Variants in PSEN1 observed in about 807,000 individuals in gnomAD.
PSEN1 encodes presenilin-1.
PSEN1 carries 15 observed loss-of-function variants against 53.5 expected under a neutral mutation model. The ratio of observed to expected loss-of-function variants is 0.28; its 90% CI spans 0.19 to 0.43. The LOEUF (loss-of-function observed/expected upper bound fraction) is 0.43, where lower values mean the gene tolerates loss of function less well. Among genes scored for constraint, PSEN1 ranks in the 20% least tolerant of loss-of-function variants. The probability of loss-of-function intolerance (pLI) is 1.00; values close to 1 mark genes in which losing one functional copy is unlikely to be tolerated. For synonymous variants in PSEN1, 208 were observed against 209.8 expected (o/e 0.99, Z 0.08); for missense variants, 387 against 571.2 (o/e 0.68, Z 3.29).
At chr14:73,183,158 C>T (rs55657666) in intron 5 of PSEN1, among the ~76,000 whole-genome samples, 1,806 of 152,270 alleles carry the variant, frequency 0.012, 34 homozygotes, top group African/African-American at 0.039. Flanking sequence ...CGCTCTGTTG[C>T]TCAGGCTGGA....
At chr14:73,201,378 G>A (rs927510957) in intron 8 of PSEN1, among the ~76,000 whole-genome samples, 21 of 152,036 alleles carry the variant, frequency 1.4e-4, no homozygotes, top group African/African-American at 4.4e-4. Flanking sequence ...GAGCCACCGC[G>A]CCTGGCCGAG....
chr14:73,204,128 C>T (rs1037462844), intron 8 of PSEN1, among the ~76,000 whole-genome samples: 9 of 151,946 alleles, frequency 5.9e-5, no homozygotes, highest in South Asian at 4.1e-4. Context: ...CCTCCCGAGT[C>T]GCCGGGATTA....
At chr14:73,219,060 CT>C in intron 11 of PSEN1, 73 bp from the exon 12 acceptor site, 2 of 1,498,510 alleles carry the variant, frequency 1.3e-6, no homozygotes, top group Non-Finnish European at 9.3e-7. Context: ...AAAACCAAGA[CT>C]TGTGATTGAG....
In PSEN1 at chr14:73,171,051, C is replaced by T. The variant is rs1270371240; in HGVS notation, c.338+4C>T. 4.3e-6 allele frequency: 7 copies of T among 1,614,050 alleles called. No individual in the cohort carries two copies. Among genetic ancestry groups the T allele is most frequent in the South Asian group, 3.3e-5 (3 of 91,070 alleles). On this transcript the variant is annotated splice_donor_region_variant and intron_variant, in intron 4 of 11. Transcript: ENST00000324501. ...ATACCCGGAAGGATGGGCAGCTGTACGTATGAGTTTTGTTTTATTATTCTC... is the reference window on the plus strand; with the variant it reads ...ATACCCGGAAGGATGGGCAGCTGTATGTATGAGTTTTGTTTTATTATTCTC...
intron 7 of PSEN1, among the ~76,000 whole-genome samples, chr14:73,197,251 G>C (rs1898995105): frequency 6.6e-6 from 1 of 152,134 alleles, no homozygotes; most frequent in African/African-American, 2.4e-5. Flanking sequence ...GAATTTTCAT[G>C]ACAGAGAATG....
At chr14:73,183,470 G>T (rs1243977292) in intron 5 of PSEN1, among the ~76,000 whole-genome samples, 2 of 152,060 alleles carry the variant, frequency 1.3e-5, no homozygotes, top group Admixed American at 6.6e-5. Flanking sequence ...GTGTCCCTGG[G>T]TACTTGAGAT....
intron 3 of PSEN1, among the ~76,000 whole-genome samples, chr14:73,161,077 C>A (rs534192266): frequency 6.6e-6 from 1 of 151,058 alleles, no homozygotes; most frequent in African/African-American, 2.4e-5. Context: ...CAGGCTCAAG[C>A]AGTCCTTCCA....
chr14:73,176,364 C>T (rs946823338), intron 5 of PSEN1, among the ~76,000 whole-genome samples: 2 of 152,204 alleles, frequency 1.3e-5, no homozygotes, highest in African/African-American at 4.8e-5. Context: ...GACCTTGTGA[C>T]TTTTACCAGG....
chr14:73,197,137 G>T (rs150050804), intron 7 of PSEN1, among the ~76,000 whole-genome samples: 4,020 of 152,114 alleles, frequency 0.026, 179 homozygotes, highest in African/African-American at 0.093. Flanking sequence ...GTTTCACCGT[G>T]TTAGCCAGGA....
rs181284178 is a variant in PSEN1, at chr14:73,187,459, G to A, written c.548+539G>A. ...AACAATTGCACTAGCTCTTAAATTC[G>A]AAGAGGCAGTCAAACTAATAAATAA... On this transcript the variant is annotated intron_variant, in intron 6 of 11. Coordinates refer to ENST00000324501, the MANE Select transcript of PSEN1 (RefSeq NM_000021.4). Among the ~76,000 whole-genome samples the A allele has an allele frequency of 9.9e-5, 15 of 152,278 alleles. No individual in the cohort carries two copies. The East Asian group carries it at 1.9e-3, about 20-fold the overall frequency.
intron 5 of PSEN1, 89 bp from the exon 6 acceptor site, chr14:73,186,764 G>T: frequency 9.2e-7 from 1 of 1,084,012 alleles, no homozygotes; most frequent in South Asian, 1.2e-5. Flanking sequence ...GCGACAAAGT[G>T]AGACCCTGTC....
At chr14:73,186,446 C>G (rs755507479) in intron 5 of PSEN1, among the ~76,000 whole-genome samples, 3 of 151,982 alleles carry the variant, frequency 2.0e-5, no homozygotes, top group Non-Finnish European at 4.4e-5. Flanking sequence ...ATTCTGTTGG[C>G]CTTTGCCAAA....
intron 3 of PSEN1, among the ~76,000 whole-genome samples, chr14:73,164,873 T>A (rs2093231288): frequency 3.9e-5 from 6 of 152,212 alleles, no homozygotes; most frequent in Admixed American, 3.9e-4. Context: ...CATATATATA[T>A]ATGTTCATTC....
At chr14:73,208,266 A>G (rs557715058) in intron 9 of PSEN1, among the ~76,000 whole-genome samples, 17 of 152,312 alleles carry the variant, frequency 1.1e-4, no homozygotes, top group South Asian at 4.1e-4. Flanking sequence ...CTGCCATTCA[A>G]TGGGTCCCAA....
intron 8 of PSEN1, among the ~76,000 whole-genome samples, chr14:73,202,460 ATATTTTTTTTTT>A (rs1899260272): frequency 8.2e-5 from 1 of 12,164 alleles, no homozygotes; most frequent in African/African-American, 5.3e-4. Context: ...ATATATATAT[ATATTTTTTTTTT>A]TTTTTTTTTT....
chr14:73,166,250 A>G (rs1897714780), intron 3 of PSEN1, among the ~76,000 whole-genome samples: 1 of 152,124 alleles, frequency 6.6e-6, no homozygotes. Flanking sequence ...ACTCTGAATG[A>G]GCATATGATT....
chr14:73,219,091 C>A, intron 11 of PSEN1, 43 bp from the exon 12 acceptor site: 1 of 1,603,084 alleles, frequency 6.2e-7, no homozygotes, highest in Non-Finnish European at 8.5e-7. Context: ...AAAATGCTTT[C>A]ATAATTATGT....
chr14:73,140,396 A>C (rs1896891278), intron 1 of PSEN1, among the ~76,000 whole-genome samples: 1 of 151,260 alleles, frequency 6.6e-6, no homozygotes, highest in South Asian at 2.1e-4. Context: ...TTTTTAGTAG[A>C]GGTGGGGTGT....
At chr14:73,213,030 C>T (rs1899765399) in intron 10 of PSEN1, among the ~76,000 whole-genome samples, 1 of 152,162 alleles carries the variant, frequency 6.6e-6, no homozygotes, top group Admixed American at 6.5e-5. Context: ...CTTTTTACAC[C>T]TTGTCCTCAG....
Sources: gnomAD v4.1 joint callset for allele counts (sites outside exome capture counted in the v4.1 genomes callset) on GRCh38, gnomAD v4.1.1 for gene constraint, MANE v1.5 for transcripts, NCBI Gene and HGNC (gene_info 2026-07-23, HGNC 2026-07-21) for gene names.